ALCAM: variants seen among roughly 807,000 people sequenced by gnomAD.
ALCAM encodes activated leukocyte cell adhesion molecule.
Under a neutral mutation model 70.9 loss-of-function variants are expected in ALCAM, and 30 were observed. That is an observed-to-expected ratio of 0.42 (90% CI 0.32 to 0.57). The LOEUF is 0.57. Among genes scored for constraint, ALCAM ranks in the 20% least tolerant of loss-of-function variants. The pLI is 0.11. For missense variants in ALCAM, 591 were observed against 695.1 expected (o/e 0.85, Z 1.68); for synonymous variants, 249 against 242.5 (o/e 1.03, Z -0.25).
intron 1 of ALCAM, among the ~76,000 whole-genome samples, chr3:105,502,599 G>GTACA (rs1938955324): frequency 6.6e-6 from 1 of 152,218 alleles, no homozygotes; most frequent in Non-Finnish European, 1.5e-5. Context: ...TTACCCTTTT[G>GTACA]TACAGCTGGG....
intron 1 of ALCAM, among the ~76,000 whole-genome samples, chr3:105,391,682 G>C (rs1576129179): frequency 2.0e-5 from 3 of 152,080 alleles, no homozygotes; most frequent in Admixed American, 6.6e-5. Flanking sequence ...CAAGGGGAAT[G>C]CTTCCAGCTT....
At chr3:105,449,691 C>G (rs1429990968) in intron 1 of ALCAM, among the ~76,000 whole-genome samples, 2 of 152,140 alleles carry the variant, frequency 1.3e-5, no homozygotes, top group Non-Finnish European at 2.9e-5. Context: ...CACGTAAAGA[C>G]TTTATGTCAA....
chr3:105,530,349 T>TG (rs1372963618), intron 3 of ALCAM, among the ~76,000 whole-genome samples: 2 of 152,048 alleles, frequency 1.3e-5, no homozygotes, highest in African/African-American at 4.8e-5. Context: ...ATAGTGATAA[T>TG]GTCAAGGTTT....
At chr3:105,505,313 G>A (rs1204655614) in intron 1 of ALCAM, among the ~76,000 whole-genome samples, 1 of 152,164 alleles carries the variant, frequency 6.6e-6, no homozygotes, top group Non-Finnish European at 1.5e-5. Flanking sequence ...GTGGCGGAAG[G>A]TGAAGAGGAA....
chr3:105,399,517 A>G (rs1936035152), intron 1 of ALCAM, among the ~76,000 whole-genome samples: 1 of 152,172 alleles, frequency 6.6e-6, no homozygotes, highest in Admixed American at 6.6e-5. Context: ...ATATTGTTGC[A>G]TATAAATACA....
chr3:105,424,926 C>T (rs1351343322), intron 1 of ALCAM, among the ~76,000 whole-genome samples: 2 of 151,694 alleles, frequency 1.3e-5, no homozygotes, highest in Non-Finnish European at 2.9e-5. Context: ...GGAATACATG[C>T]TATGTGTCTG....
intron 14 of ALCAM, among the ~76,000 whole-genome samples, chr3:105,568,087 G>A (rs1162917177): frequency 7.4e-6 from 1 of 135,096 alleles, no homozygotes; most frequent in Admixed American, 8.1e-5. Context: ...TTGAGATGGA[G>A]TCTTGCTCTG....
At chr3:105,501,338 A>G (rs1938914225) in intron 1 of ALCAM, among the ~76,000 whole-genome samples, 1 of 152,258 alleles carries the variant, frequency 6.6e-6, no homozygotes, top group Non-Finnish European at 1.5e-5. Flanking sequence ...TCACTGAATT[A>G]TAGCATAGTA....
In ALCAM at chr3:105,412,493, G is replaced by A. The variant is rs147632133; in HGVS notation, c.73+45012G>A. On this transcript the variant is annotated intron_variant, in intron 1 of 15. Transcript: ENST00000306107. ...TTTATACTCAAATCTAGTAAAATTA[G>A]CGATCCATATGGACTTCATTTTATG... Among the ~76,000 whole-genome samples the A allele has an allele frequency of 8.0e-3, 1,213 of 152,156 alleles. 13 individuals carry two copies. Among genetic ancestry groups the A allele is most frequent in the Middle Eastern group, 0.01 (3 of 294 alleles).
At chr3:105,490,851 A>G (rs1161423365) in intron 1 of ALCAM, among the ~76,000 whole-genome samples, 1 of 152,140 alleles carries the variant, frequency 6.6e-6, no homozygotes, top group Non-Finnish European at 1.5e-5. Context: ...TTCTCGGCAC[A>G]CAGTGCAAGC....
rs1576250737 is a variant in ALCAM, at chr3:105,574,998, T to A, written c.*547T>A. 6.6e-6 allele frequency: 1 copy of A among 152,502 alleles called. No homozygotes were observed. The highest frequency in any genetic ancestry group is 1.5e-5 in the Non-Finnish European group (1 of 68,004). The allele number at this position is 152,502 out of a possible 1,614,324, so 9.4% of individuals were successfully genotyped here. ...ATTGCCCTAATTAAAAACTGTGATT[T>A]TTATCACAAGGGAGGGGAGGCCGAG... On this transcript the variant is annotated 3_prime_UTR_variant, in exon 16 of 16. Coordinates refer to ENST00000306107, the MANE Select transcript of ALCAM (RefSeq NM_001627.4).
chr3:105,490,652 C>A (rs1412443984), intron 1 of ALCAM, among the ~76,000 whole-genome samples: 1 of 152,162 alleles, frequency 6.6e-6, no homozygotes, highest in African/African-American at 2.4e-5. Context: ...TTGCCCCATG[C>A]AAGTACAAAC....
chr3:105,369,427 T>C (rs1451082475), intron 1 of ALCAM, among the ~76,000 whole-genome samples: 4 of 152,204 alleles, frequency 2.6e-5, no homozygotes, highest in African/African-American at 7.2e-5. Context: ...ACCGTGAATC[T>C]GAGGATCCGA....
At chr3:105,388,497 CT>C (rs1217957019) in intron 1 of ALCAM, among the ~76,000 whole-genome samples, 1 of 151,524 alleles carries the variant, frequency 6.6e-6, no homozygotes, top group Non-Finnish European at 1.5e-5. Flanking sequence ...CAGAGATGTT[CT>C]GCTGTCTCTT....
At position 105,407,270 on chromosome 3, in the gene ALCAM, A is replaced by C. The variant is rs866779877; in HGVS notation, c.73+39789A>C. ...TAACAACAACAGCAACAACAACAAA[A>C]AAAAAACAACAGATCAGTATCCCTA... On this transcript the variant is annotated intron_variant, in intron 1 of 15. Transcript: ENST00000306107. Among the ~76,000 whole-genome samples, 395 of 152,222 alleles carry C rather than the reference A, an allele frequency of 2.6e-3. 1 individual carries two copies. The highest frequency in any genetic ancestry group is 8.7e-3 in the African/African-American group (362 of 41,558).
intron 1 of ALCAM, among the ~76,000 whole-genome samples, chr3:105,400,836 C>T (rs560738733): frequency 2.1e-4 from 32 of 152,200 alleles, no homozygotes; most frequent in African/African-American, 5.3e-4. Context: ...AGTCATTTGC[C>T]GTTGAGAAAG....
intron 1 of ALCAM, among the ~76,000 whole-genome samples, chr3:105,371,915 G>A (rs1351055603): frequency 6.6e-6 from 1 of 152,096 alleles, no homozygotes; most frequent in Non-Finnish European, 1.5e-5. Flanking sequence ...TCATTGTTAA[G>A]TATTCACAGA....
At chr3:105,438,249 A>G (rs890369807) in intron 1 of ALCAM, among the ~76,000 whole-genome samples, 1 of 152,088 alleles carries the variant, frequency 6.6e-6, no homozygotes, top group Non-Finnish European at 1.5e-5. Flanking sequence ...TTTGTACTAT[A>G]TTATACAACT....
intron 4 of ALCAM, 64 bp from the exon 5 acceptor site, chr3:105,533,539 G>A (rs1939896164): frequency 1.4e-6 from 2 of 1,438,166 alleles, no homozygotes; most frequent in East Asian, 4.6e-5. Context: ...CTGAGTTTCT[G>A]GAGTTTCCAA....
Sources: allele counts gnomAD v4.1 joint callset (sites outside exome capture counted in the v4.1 genomes callset), GRCh38; gene constraint gnomAD v4.1.1; transcripts MANE v1.5; gene names NCBI Gene and HGNC (gene_info 2026-07-23, HGNC 2026-07-21).